Variants in CSMD1 observed in about 807,000 individuals in gnomAD.
CSMD1 encodes CUB and Sushi multiple domains 1.
In CSMD1, 213 loss-of-function variants were observed where a neutral mutation model predicts 417.5. That is an observed-to-expected ratio of 0.51 (90% CI 0.46 to 0.57). The LOEUF (loss-of-function observed/expected upper bound fraction) is 0.57, where lower values mean the gene tolerates loss of function less well. Among genes scored for constraint, CSMD1 ranks in the 20% least tolerant of loss-of-function variants. The probability of loss-of-function intolerance (pLI) is 0.00; values close to 1 mark genes in which losing one functional copy is unlikely to be tolerated. For missense variants in CSMD1, 6,923 were observed against 4,529.7 expected (o/e 1.53, Z -15.17); for synonymous variants, 2,862 against 1,736.8 (o/e 1.65, Z -16.11).
At chr8:3,426,242 C>T (rs112612129) in intron 12 of CSMD1, among the ~76,000 whole-genome samples, 94 of 152,284 alleles carry the variant, frequency 6.2e-4, no homozygotes, top group African/African-American at 2.2e-3. Flanking sequence ...ACACACTACT[C>T]CTAAACGTTC....
intron 3 of CSMD1, among the ~76,000 whole-genome samples, chr8:4,080,587 T>C (rs1158003881): frequency 6.6e-6 from 1 of 152,238 alleles, no homozygotes; most frequent in East Asian, 1.9e-4. Flanking sequence ...TTATGTATGA[T>C]GTCATAGTTT....
chr8:4,546,214 A>C (rs578007786), intron 2 of CSMD1, among the ~76,000 whole-genome samples: 4 of 152,356 alleles, frequency 2.6e-5, no homozygotes, highest in African/African-American at 9.6e-5. Flanking sequence ...CCCTGGTCGC[A>C]CAAGACCACA....
In CSMD1 at chr8:4,251,913, T is replaced by C. The variant is rs115172695; in HGVS notation, c.415+168040A>G. 9.1e-3 allele frequency among the ~76,000 whole-genome samples: 1,290 copies of C among 142,352 alleles called. 20 individuals are homozygous for C. The highest frequency in any genetic ancestry group is 0.033 in the African/African-American group (1,238 of 37,380). The allele number at this position is 142,352 out of a possible 152,430, so 93.4% of individuals were successfully genotyped here. A position where few individuals can be genotyped will look rare whatever the true frequency, so the allele number is the denominator to read the frequency against. Reference sequence around the variant, plus strand: ...GGGAGGGGAGGGGAGGGGAGGATAATGTGGGAATGGGAAGGGAGGGAAAGA... The same window carrying C: ...GGGAGGGGAGGGGAGGGGAGGATAACGTGGGAATGGGAAGGGAGGGAAAGA... On this transcript the variant is annotated intron_variant, in intron 3 of 69. Coordinates refer to ENST00000635120, the MANE Select transcript of CSMD1 (RefSeq NM_033225.6).
chr8:3,050,544 A>G (rs892950083), intron 50 of CSMD1, among the ~76,000 whole-genome samples: 7 of 152,316 alleles, frequency 4.6e-5, no homozygotes, highest in African/African-American at 1.7e-4. Context: ...CTATTTTGAG[A>G]GAATAGTTCT....
intron 3 of CSMD1, among the ~76,000 whole-genome samples, chr8:4,090,861 C>T (rs963867079): frequency 6.6e-6 from 1 of 151,332 alleles, no homozygotes; most frequent in Non-Finnish European, 1.5e-5. Context: ...GATGCCATAA[C>T]TATTTTACTA....
intron 3 of CSMD1, among the ~76,000 whole-genome samples, chr8:4,289,643 A>G (rs753595353): frequency 3.3e-5 from 5 of 152,172 alleles, no homozygotes; most frequent in Non-Finnish European, 5.9e-5. Context: ...GGAGTAGAGC[A>G]GCTGTCCATG....
intron 5 of CSMD1, among the ~76,000 whole-genome samples, chr8:3,803,568 G>C (rs1800573629): frequency 6.6e-6 from 1 of 152,160 alleles, no homozygotes; most frequent in Admixed American, 6.5e-5. Context: ...GGTGGGAAAG[G>C]CTCAGATGGT....
chr8:4,263,527 T>C (rs773222566), intron 3 of CSMD1, among the ~76,000 whole-genome samples: 3 of 152,204 alleles, frequency 2.0e-5, no homozygotes, highest in Non-Finnish European at 2.9e-5. Context: ...TCTCTGGCAC[T>C]TGATATTAGC....
chr8:3,891,048 T>C (rs890487664), intron 5 of CSMD1, among the ~76,000 whole-genome samples: 1 of 151,954 alleles, frequency 6.6e-6, no homozygotes, highest in Non-Finnish European at 1.5e-5. Context: ...GTTTTTTTTT[T>C]GTTTTATTTT....
At chr8:3,733,529 A>G (rs771357320) in intron 6 of CSMD1, among the ~76,000 whole-genome samples, 3 of 151,972 alleles carry the variant, frequency 2.0e-5, no homozygotes, top group Non-Finnish European at 2.9e-5. Flanking sequence ...TCAACGAAAA[A>G]TTTCAGAAAA....
chr8:4,379,700 A>G (rs62479546), intron 3 of CSMD1, among the ~76,000 whole-genome samples: 5 of 57,294 alleles, frequency 8.7e-5, no homozygotes, highest in Non-Finnish European at 2.0e-4. Context: ...TGAAGCAACA[A>G]TGGCGGGAAG....
chr8:3,709,805 T>G (rs1306397234), intron 6 of CSMD1, among the ~76,000 whole-genome samples: 1 of 149,928 alleles, frequency 6.7e-6, no homozygotes, highest in Non-Finnish European at 1.5e-5. Context: ...CTTGTCAGCT[T>G]CATAATCATG....
At chr8:4,968,710 G>C (rs1810040887) in intron 1 of CSMD1, among the ~76,000 whole-genome samples, 1 of 152,064 alleles carries the variant, frequency 6.6e-6, no homozygotes, top group African/African-American at 2.4e-5. Context: ...TCTACCAGTG[G>C]CAGCAGATAA....
chr8:3,376,930 T>C (rs769546261), intron 18 of CSMD1, among the ~76,000 whole-genome samples: 4 of 152,172 alleles, frequency 2.6e-5, no homozygotes, highest in Admixed American at 2.6e-4. Flanking sequence ...AGCCTTATGG[T>C]TGGATGAAAA....
chr8:3,978,148 C>G (rs1813583463), intron 5 of CSMD1, among the ~76,000 whole-genome samples: 1 of 152,162 alleles, frequency 6.6e-6, no homozygotes, highest in Non-Finnish European at 1.5e-5. Context: ...TCAAGAGAAA[C>G]TTCCTCTCGA....
At chr8:3,385,135 A>G (rs1053366179) in intron 18 of CSMD1, among the ~76,000 whole-genome samples, 2 of 133,716 alleles carry the variant, frequency 1.5e-5, no homozygotes, top group East Asian at 4.2e-4. Context: ...ATAAATATAT[A>G]ATACATAATA....
chr8:4,737,511 T>C (rs79738027), intron 1 of CSMD1, among the ~76,000 whole-genome samples: 1,894 of 152,158 alleles, frequency 0.012, 39 homozygotes, highest in African/African-American at 0.043. Flanking sequence ...AAAAAAAACA[T>C]AAAACATCAT....
chr8:3,849,404 G>A (rs1038276354), intron 5 of CSMD1, among the ~76,000 whole-genome samples: 4 of 152,150 alleles, frequency 2.6e-5, no homozygotes, highest in African/African-American at 4.8e-5. Flanking sequence ...AAGGACGGAC[G>A]AAAGGGAGTC....
Position 3,684,684 on chromosome 8 carries a change from G to A in CSMD1, c.1009+23730C>T, listed in dbSNP as rs144711365. 3.0e-3 allele frequency among the ~76,000 whole-genome samples: 439 copies of A among 145,764 alleles called. 1 individual carries two copies. The highest frequency in any genetic ancestry group is 0.01 in the African/African-American group (406 of 39,654). ...GCTATCTCCGCTCACTGCTAGCTCC[G>A]CCTCGCAGGTTCACGCCATTCTCCT... On this transcript the variant is annotated intron_variant, in intron 7 of 69. Coordinates refer to ENST00000635120, the MANE Select transcript of CSMD1 (RefSeq NM_033225.6).
Sources: allele counts gnomAD v4.1 joint callset (sites outside exome capture counted in the v4.1 genomes callset), GRCh38; gene constraint gnomAD v4.1.1; transcripts MANE v1.5; gene names NCBI Gene and HGNC (gene_info 2026-07-23, HGNC 2026-07-21).